The following TNIP3 variants were observed in gnomAD, a reference collection of about 807,000 sequenced individuals.
TNIP3 encodes TNFAIP3-interacting protein 3.
In TNIP3, 34 loss-of-function variants were observed where a neutral mutation model predicts 54.1. The ratio of observed to expected loss-of-function variants is 0.63; its 90% CI spans 0.48 to 0.84. The LOEUF is 0.84. Among genes scored for constraint, TNIP3 ranks in the 40% least tolerant of loss-of-function variants. The pLI is 0.00. For synonymous variants in TNIP3, 134 were observed against 136.8 expected, an observed-to-expected ratio of 0.98 and a Z score of 0.14; for missense variants, 366 against 387.6, an observed-to-expected ratio of 0.94 and a Z score of 0.47.
At chr4:121,189,912 G>A (rs1725213964) in intron 2 of TNIP3, among the ~76,000 whole-genome samples, 1 of 152,098 alleles carries the variant, frequency 6.6e-6, no homozygotes, top group African/African-American at 2.4e-5. Context: ...CTATACTGAT[G>A]CCACAAACTA....
At chr4:121,202,757 A>G (rs1725962815) in intron 2 of TNIP3, among the ~76,000 whole-genome samples, 1 of 152,136 alleles carries the variant, frequency 6.6e-6, no homozygotes, top group Non-Finnish European at 1.5e-5. Flanking sequence ...CCCATCAAAA[A>G]GTGGGCTAAC....
chr4:121,144,648 C>A (rs1331186272), intron 7 of TNIP3, among the ~76,000 whole-genome samples: 1 of 152,194 alleles, frequency 6.6e-6, no homozygotes, highest in Non-Finnish European at 1.5e-5. Context: ...GTGATCTGCC[C>A]GCCTTGGCCT....
chr4:121,139,018 G>A (rs1159283292), intron 9 of TNIP3, among the ~76,000 whole-genome samples: 1 of 152,120 alleles, frequency 6.6e-6, no homozygotes, highest in Non-Finnish European at 1.5e-5. Flanking sequence ...ATAAAACAAA[G>A]CAACTTAGCA....
At position 121,214,321 on chromosome 4, in the gene TNIP3, C is replaced by G. The variant is rs72685958; in HGVS notation, c.68+2094G>C. ...ACATTTTAGATTACTATTAAAGAAC[C>G]TAACCCTATCTATTTCTTTCAGAAA... is the stretch of plus-strand genomic sequence containing the variant. On this transcript the variant is annotated intron_variant, in intron 2 of 12. Transcript: ENST00000507879. 9.7e-3 allele frequency among the ~76,000 whole-genome samples: 1,483 copies of G among 152,296 alleles called. 17 individuals carry two copies. Among genetic ancestry groups the G allele is most frequent in the South Asian group, 0.029 (139 of 4,826 alleles).
intron 2 of TNIP3, among the ~76,000 whole-genome samples, chr4:121,194,942 C>T (rs971888434): frequency 6.6e-6 from 1 of 152,028 alleles, no homozygotes; most frequent in African/African-American, 2.4e-5. Flanking sequence ...CCAAGGTGGG[C>T]GGATCACCTG....
chr4:121,160,992 T>C lies in TNIP3; in HGVS notation c.147+144A>G, dbSNP rs552908974. The C allele has an allele frequency of 1.5e-5, 10 of 673,974 alleles. No homozygotes were observed. In the South Asian group the frequency reaches 1.8e-4, roughly 12 times the overall value. The allele number at this position is 673,974 out of a possible 1,614,324, so 41.7% of individuals were successfully genotyped here. ...ACAGGTGAATAAGAAAGAAGGCGTT[T>C]GCTTTCAAAATAGTGCAGTCCAGTA... On this transcript the variant is annotated intron_variant, in intron 2 of 10. Transcript: ENST00000057513.
chr4:121,191,118 G>A (rs149244331), intron 2 of TNIP3, among the ~76,000 whole-genome samples: 1 of 152,038 alleles, frequency 6.6e-6, no homozygotes, highest in African/African-American at 2.4e-5. Flanking sequence ...TTTTAGTATG[G>A]CATGCTATCA....
At chr4:121,213,735 A>C (rs1291220566) in intron 2 of TNIP3, among the ~76,000 whole-genome samples, 2 of 151,824 alleles carry the variant, frequency 1.3e-5, no homozygotes, top group Non-Finnish European at 2.9e-5. Flanking sequence ...TCAAAAAAAA[A>C]AAAAACAAAA....
rs375441832 is a variant in TNIP3 at position 121,226,256 on chromosome 4, C to A, written c.3+1129G>T. ...ACATAGGAAAGAGAGAGAGAGAGAG[C>A]GACAGAGGCACAAAGAAAGAGAGAC... On this transcript the variant is annotated intron_variant, in intron 1 of 12. Coordinates refer to the TNIP3 transcript ENST00000509841. Among the ~76,000 whole-genome samples, 10 of 149,788 alleles carry A rather than the reference C, an allele frequency of 6.7e-5. No homozygotes were observed. In the South Asian group the frequency reaches 8.5e-4, roughly 13 times the overall value.
At chr4:121,197,248 C>T (rs1560686350) in intron 2 of TNIP3, among the ~76,000 whole-genome samples, 1 of 152,058 alleles carries the variant, frequency 6.6e-6, no homozygotes, top group Non-Finnish European at 1.5e-5. Flanking sequence ...CTAAGTCCTG[C>T]CGGGCACAGC....
intron 7 of TNIP3, among the ~76,000 whole-genome samples, chr4:121,143,175 C>G (rs942998864): frequency 1.3e-5 from 2 of 152,210 alleles, no homozygotes; most frequent in Non-Finnish European, 2.9e-5. Flanking sequence ...TGCAATAACT[C>G]ACTGAATTCT....
In TNIP3 at chr4:121,157,283, T is replaced by C. The variant is rs766066173; in HGVS notation, c.214-40A>G. ...CAAAGACAGCTGCAGATACCTTCTC[T>C]GAAGCTCACAAGCCCCTGGATTTAT... On this transcript the variant is annotated intron_variant, in intron 3 of 10. Coordinates refer to ENST00000057513, the MANE Select transcript of TNIP3 (RefSeq NM_024873.6). 13 of 1,613,392 alleles carry C rather than the reference T, an allele frequency of 8.1e-6. No homozygotes were observed. In the South Asian group the frequency reaches 1.3e-4, roughly 16 times the overall value.
At chr4:121,135,826 T>A (rs1482795218) in intron 10 of TNIP3, among the ~76,000 whole-genome samples, 4 of 152,196 alleles carry the variant, frequency 2.6e-5, no homozygotes. Context: ...CAAGAACCAC[T>A]ACTGAAATTA....
At chr4:121,210,375 C>G (rs1282873284) in intron 2 of TNIP3, among the ~76,000 whole-genome samples, 2 of 152,142 alleles carry the variant, frequency 1.3e-5, no homozygotes. Flanking sequence ...AAGGGAATAT[C>G]TTCTAATATA....
At chr4:121,190,303 T>C (rs766690160) in intron 2 of TNIP3, among the ~76,000 whole-genome samples, 1 of 152,310 alleles carries the variant, frequency 6.6e-6, no homozygotes, top group Non-Finnish European at 1.5e-5. Flanking sequence ...CAGAGACAGG[T>C]TTAGCCTGCT....
chr4:121,171,647 A>G (rs1723949768), intron 3 of TNIP3, among the ~76,000 whole-genome samples: 1 of 152,230 alleles, frequency 6.6e-6, no homozygotes, highest in Non-Finnish European at 1.5e-5. Context: ...CAGGAAAATG[A>G]AAATGATTCA....
chr4:121,164,268 T>A lies in TNIP3; in HGVS notation c.-143A>T. The A allele has an allele frequency of 6.9e-7, 1 of 1,456,910 alleles. No individual in the cohort carries two copies. The highest frequency in any genetic ancestry group is 1.4e-5 in the South Asian group (1 of 69,596). 90.2% of individuals were successfully genotyped at this position (1,456,910 alleles called of 1,614,324 possible). A position where few individuals can be genotyped will look rare whatever the true frequency, so the allele number is the denominator to read the frequency against. On this transcript the variant is annotated 5_prime_UTR_variant, in exon 1 of 11. Coordinates refer to ENST00000057513, the MANE Select transcript of TNIP3 (RefSeq NM_024873.6). ...AACTCATAATAGAAAATAACAGCAATAGGTTTTCATTAAAAATGAACAGAA... is the reference window on the plus strand; with the variant it reads ...AACTCATAATAGAAAATAACAGCAAAAGGTTTTCATTAAAAATGAACAGAA...
At chr4:121,143,614 A>G (rs1729254327) in intron 7 of TNIP3, among the ~76,000 whole-genome samples, 1 of 152,216 alleles carries the variant, frequency 6.6e-6, no homozygotes, top group African/African-American at 2.4e-5. Context: ...TAAAGTCACC[A>G]CGGACACTGA....
At chr4:121,204,870 T>A (rs1224968971) in intron 2 of TNIP3, among the ~76,000 whole-genome samples, 2 of 152,154 alleles carry the variant, frequency 1.3e-5, no homozygotes, top group Non-Finnish European at 2.9e-5. Context: ...CAGTCCTAGG[T>A]GTTATTGGTA....
Sources: allele counts gnomAD v4.1 joint callset (sites outside exome capture counted in the v4.1 genomes callset), GRCh38; gene constraint gnomAD v4.1.1; transcripts MANE v1.5; gene names NCBI Gene and HGNC (gene_info 2026-07-23, HGNC 2026-07-21).